Variants in FRY observed in about 807,000 individuals in gnomAD.
The protein encoded by FRY is protein furry homolog.
A neutral mutation model predicts 348.4 loss-of-function variants in FRY; 128 were observed. That is an observed-to-expected ratio of 0.37 (90% CI 0.32 to 0.43). The LOEUF (loss-of-function observed/expected upper bound fraction) is 0.43, where lower values mean the gene tolerates loss of function less well. Among genes scored for constraint, FRY ranks in the 20% least tolerant of loss-of-function variants. The probability of loss-of-function intolerance (pLI) is 1.00; values close to 1 mark genes in which losing one functional copy is unlikely to be tolerated. For synonymous variants in FRY, 1,370 were observed against 1,374.7 expected, an observed-to-expected ratio of 1.00 and a Z score of 0.08; for missense variants, 2,736 against 3,695.2, an observed-to-expected ratio of 0.74 and a Z score of 6.73.
At chr13:32,215,234 C>T (rs1405324122) in intron 35 of FRY, among the ~76,000 whole-genome samples, 2 of 151,988 alleles carry the variant, frequency 1.3e-5, no homozygotes, top group South Asian at 2.1e-4. Flanking sequence ...TTCAAGTTAA[C>T]AGTAATCTAT....
At chr13:32,267,672 T>A (rs1887989113) in intron 55 of FRY, among the ~76,000 whole-genome samples, 1 of 152,188 alleles carries the variant, frequency 6.6e-6, no homozygotes, top group Non-Finnish European at 1.5e-5. Context: ...GCCAGGCCTA[T>A]CCTCCATCCC....
intron 2 of FRY, among the ~76,000 whole-genome samples, chr13:32,100,902 G>A (rs779652195): frequency 8.5e-5 from 13 of 152,128 alleles, no homozygotes; most frequent in Non-Finnish European, 1.8e-4. Flanking sequence ...ACTCAGGAGG[G>A]TTCTGCCCTC....
chr13:32,104,040 TATTAA>T (rs1247424064), intron 3 of FRY, among the ~76,000 whole-genome samples: 1 of 152,228 alleles, frequency 6.6e-6, no homozygotes, highest in Non-Finnish European at 1.5e-5. Flanking sequence ...CTCTTTATCT[TATTAA>T]ATTATCACTG....
At chr13:32,037,059 A>ACACACACAC (rs1872550173) in intron 1 of FRY, among the ~76,000 whole-genome samples, 4 of 33,472 alleles carry the variant, frequency 1.2e-4, no homozygotes, top group African/African-American at 3.3e-4. Flanking sequence ...CACACACACA[A>ACACACACAC]ACACACACAC....
chr13:32,182,847 C>A, intron 23 of FRY, 130 bp from the exon 24 acceptor site: 2 of 664,934 alleles, frequency 3.0e-6, no homozygotes, highest in Non-Finnish European at 5.5e-6. Flanking sequence ...ATGGAGAGAT[C>A]AGGGAGATTG....
intron 1 of FRY, among the ~76,000 whole-genome samples, chr13:32,068,645 T>A (rs378205): frequency 0.7 from 106,201 of 152,132 alleles, 37,302 homozygotes; most frequent in African/African-American, 0.73. Flanking sequence ...CAGACACTTG[T>A]TGCTAACTTT....
intron 36 of FRY, among the ~76,000 whole-genome samples, chr13:32,222,343 G>A (rs1377448966): frequency 6.6e-6 from 1 of 152,200 alleles, no homozygotes; most frequent in African/African-American, 2.4e-5. Context: ...GGCCACGGGT[G>A]TGGATTTGTG....
intron 53 of FRY, among the ~76,000 whole-genome samples, chr13:32,264,316 A>G (rs1887814821): frequency 2.6e-5 from 4 of 152,140 alleles, no homozygotes. Flanking sequence ...CTCCAAAGAC[A>G]TGAGATATCT....
At chr13:32,136,706 G>A (rs924285953) in intron 10 of FRY, among the ~76,000 whole-genome samples, 165 bp from the exon 11 acceptor site, 7 of 152,300 alleles carry the variant, frequency 4.6e-5, no homozygotes, top group South Asian at 2.1e-4. Flanking sequence ...TGTGAAATGC[G>A]CGCCAGTGCC....
At chr13:32,089,635 C>T (rs1305121143) in intron 2 of FRY, among the ~76,000 whole-genome samples, 2 of 152,034 alleles carry the variant, frequency 1.3e-5, no homozygotes, top group Non-Finnish European at 1.5e-5. Flanking sequence ...ATTAGCCAGG[C>T]GTGGTGGCAC....
chr13:32,289,863 C>T (rs1481925758), intron 59 of FRY, 120 bp downstream of exon 59: 1 of 706,844 alleles, frequency 1.4e-6, no homozygotes, highest in Non-Finnish European at 2.6e-6. Context: ...TTATTTTGCT[C>T]AAACACAATT....
At chr13:32,221,691 T>G (rs1302593865) in intron 36 of FRY, among the ~76,000 whole-genome samples, 1 of 152,146 alleles carries the variant, frequency 6.6e-6, no homozygotes, top group African/African-American at 2.4e-5. Flanking sequence ...TTTTGTATTT[T>G]TAGTAGAGAC....
chr13:32,054,335 A>G (rs1018314578), intron 1 of FRY, among the ~76,000 whole-genome samples: 2 of 152,048 alleles, frequency 1.3e-5, no homozygotes, highest in Non-Finnish European at 2.9e-5. Flanking sequence ...AATGCTTTTT[A>G]GAATTTATGC....
intron 4 of FRY, among the ~76,000 whole-genome samples, chr13:32,122,169 C>T (rs757034721): frequency 5.9e-5 from 9 of 152,140 alleles, no homozygotes; most frequent in South Asian, 4.1e-4. Flanking sequence ...ACAGGCCGGG[C>T]GCAGTGGCTC....
chr13:32,261,586 A>G (rs1887651653), intron 51 of FRY, 30 bp from the exon 52 acceptor site: 8 of 1,598,304 alleles, frequency 5.0e-6, no homozygotes, highest in Non-Finnish European at 6.9e-6. Flanking sequence ...GGATTTTGGC[A>G]TAAAAAACCG....
At chr13:32,100,160 C>T (rs886619493) in intron 2 of FRY, among the ~76,000 whole-genome samples, 4 of 148,152 alleles carry the variant, frequency 2.7e-5, no homozygotes, top group East Asian at 1.9e-4. Flanking sequence ...GCTGGAGTGC[C>T]GTGGAGCAAT....
chr13:32,294,270 T>C (rs1262607659), intron 59 of FRY, 98 bp from the exon 60 acceptor site: 3 of 803,756 alleles, frequency 3.7e-6, no homozygotes, highest in Admixed American at 2.0e-5. Context: ...ATTAAGCTTA[T>C]GCTTAACCAC....
chr13:32,208,258 G>C (rs973372621), intron 31 of FRY, among the ~76,000 whole-genome samples: 13 of 152,222 alleles, frequency 8.5e-5, no homozygotes, highest in African/African-American at 2.4e-4. Flanking sequence ...ATGTTTCATG[G>C]AAGACACTTT....
At chr13:32,092,917 C>T (rs969030157) in intron 2 of FRY, among the ~76,000 whole-genome samples, 22 of 152,222 alleles carry the variant, frequency 1.4e-4, no homozygotes, top group African/African-American at 4.6e-4. Context: ...TCTTTAAAAA[C>T]GAGACATTGT....
Sources: gnomAD v4.1 joint callset for allele counts (sites outside exome capture counted in the v4.1 genomes callset) on GRCh38, gnomAD v4.1.1 for gene constraint, MANE v1.5 for transcripts, NCBI Gene and HGNC (gene_info 2026-07-23, HGNC 2026-07-21) for gene names.